Variants in SGCZ observed in about 807,000 individuals in gnomAD.
SGCZ encodes zeta-sarcoglycan.
A neutral mutation model predicts 41.3 loss-of-function variants in SGCZ; 40 were observed. That is an observed-to-expected ratio of 0.97 (90% confidence interval 0.75 to 1.26). The LOEUF is 1.26. Ranked by LOEUF, SGCZ falls within the 50% of genes most tolerant of loss-of-function variation. SGCZ has a pLI of 0.00. For missense variants in SGCZ, 552 were observed against 369.8 expected (o/e 1.49, Z -4.04); for synonymous variants, 206 against 137.5 (o/e 1.50, Z -3.49).
At chr8:14,498,450 A>C (rs1802056575) in intron 2 of SGCZ, among the ~76,000 whole-genome samples, 1 of 152,118 alleles carries the variant, frequency 6.6e-6, no homozygotes, top group Non-Finnish European at 1.5e-5. Flanking sequence ...GGATCTAGGA[A>C]TCTATATTGA....
At chr8:14,799,303 C>T (rs1255075158) in intron 1 of SGCZ, among the ~76,000 whole-genome samples, 1 of 152,054 alleles carries the variant, frequency 6.6e-6, no homozygotes, top group African/African-American at 2.4e-5. Flanking sequence ...TAGTTATATG[C>T]TCTTGAGCAA....
chr8:14,860,750 G>GAAAGAA (rs1563321436), intron 1 of SGCZ, among the ~76,000 whole-genome samples: 3 of 150,128 alleles, frequency 2.0e-5, no homozygotes, highest in African/African-American at 4.9e-5. Context: ...AAGTAAGTAA[G>GAAAGAA]TGAGGGAGGG....
chr8:14,220,222 G>C (rs1806144520), intron 4 of SGCZ, among the ~76,000 whole-genome samples: 1 of 152,122 alleles, frequency 6.6e-6, no homozygotes, highest in Non-Finnish European at 1.5e-5. Context: ...ACTTCAATAG[G>C]AGTAGAATGG....
chr8:14,848,541 T>C (rs935869480), intron 1 of SGCZ, among the ~76,000 whole-genome samples: 29 of 152,174 alleles, frequency 1.9e-4, no homozygotes, highest in Non-Finnish European at 1.5e-5. Context: ...ACAGATTAGA[T>C]ATAGACCCAC....
rs985287493 is a variant in SGCZ at position 15,012,639 on chromosome 8, T to A, written c.39+224946A>T. ...TATGTTTATATAATATATAAACATATAAAACTATATATAATATATAATATA... is the reference window on the plus strand; with the variant it reads ...TATGTTTATATAATATATAAACATAAAAAACTATATATAATATATAATATA... On this transcript the variant is annotated intron_variant, in intron 1 of 7. Coordinates refer to ENST00000382080, the MANE Select transcript of SGCZ (RefSeq NM_139167.4). Among the ~76,000 whole-genome samples the A allele has an allele frequency of 7.2e-4, 62 of 86,480 alleles. No homozygotes were observed. The South Asian group carries it at 0.022, about 31-fold the overall frequency. The allele number at this position is 86,480 out of a possible 152,430, so 56.7% of individuals were successfully genotyped here. A position where few individuals can be genotyped will look rare whatever the true frequency, so the allele number is the denominator to read the frequency against.
intron 1 of SGCZ, among the ~76,000 whole-genome samples, chr8:14,989,437 G>A (rs1002851797): frequency 2.6e-4 from 40 of 152,146 alleles, no homozygotes; most frequent in African/African-American, 8.7e-4. Context: ...AGTGAGCTAC[G>A]ATCACACCAC....
chr8:14,659,316 T>G (rs548125936), intron 1 of SGCZ, among the ~76,000 whole-genome samples: 1 of 152,130 alleles, frequency 6.6e-6, no homozygotes, highest in Admixed American at 6.6e-5. Flanking sequence ...CATCACACAA[T>G]GAATATACGC....
At chr8:14,604,676 C>T (rs1328388514) in intron 1 of SGCZ, among the ~76,000 whole-genome samples, 2 of 151,956 alleles carry the variant, frequency 1.3e-5, no homozygotes, top group Admixed American at 1.3e-4. Flanking sequence ...CAGTATTAAC[C>T]CATTATAAAC....
At chr8:14,300,118 G>C (rs1020550962) in intron 3 of SGCZ, among the ~76,000 whole-genome samples, 4 of 151,924 alleles carry the variant, frequency 2.6e-5, no homozygotes, top group Admixed American at 1.3e-4. Context: ...TTAGGAAATA[G>C]CAACATTTTG....
At chr8:14,500,817 G>C (rs1158140931) in intron 2 of SGCZ, among the ~76,000 whole-genome samples, 1 of 151,992 alleles carries the variant, frequency 6.6e-6, no homozygotes, top group African/African-American at 2.4e-5. Flanking sequence ...CAACAAGTTA[G>C]TGGAGTTTTT....
chr8:14,995,035 C>CT (rs1166228846), intron 1 of SGCZ, among the ~76,000 whole-genome samples: 2 of 152,198 alleles, frequency 1.3e-5, no homozygotes, highest in African/African-American at 4.8e-5. Context: ...TTCTTAGGAC[C>CT]ATGAGAAATC....
intron 1 of SGCZ, among the ~76,000 whole-genome samples, chr8:15,164,949 A>C (rs1438385865): frequency 6.6e-6 from 1 of 152,080 alleles, no homozygotes; most frequent in Non-Finnish European, 1.5e-5. Context: ...CCCACCCAGC[A>C]ACTGGGTTTT....
At chr8:15,222,374 C>T (rs1031300787) in intron 1 of SGCZ, among the ~76,000 whole-genome samples, 1 of 151,748 alleles carries the variant, frequency 6.6e-6, no homozygotes, top group African/African-American at 2.4e-5. Context: ...TTCAAGAGTC[C>T]AGCATTAATG....
At chr8:14,215,706 T>A (rs190161833) in intron 4 of SGCZ, among the ~76,000 whole-genome samples, 1 of 152,126 alleles carries the variant, frequency 6.6e-6, no homozygotes, top group Non-Finnish European at 1.5e-5. Flanking sequence ...ATATCATAAA[T>A]AAGTGTATGC....
chr8:14,825,807 T>C (rs1293927157), intron 1 of SGCZ, among the ~76,000 whole-genome samples: 1 of 152,214 alleles, frequency 6.6e-6, no homozygotes, highest in East Asian at 1.9e-4. Flanking sequence ...GTGGTACTTG[T>C]CTTTCTGTGT....
intron 1 of SGCZ, among the ~76,000 whole-genome samples, chr8:14,707,550 G>A (rs902715838): frequency 3.2e-4 from 49 of 152,196 alleles, no homozygotes; most frequent in Admixed American, 8.5e-4. Flanking sequence ...AAGACTGAAT[G>A]GTGGGCTAAT....
At chr8:14,563,238 C>T (rs1186479661) in intron 1 of SGCZ, among the ~76,000 whole-genome samples, 1 of 152,168 alleles carries the variant, frequency 6.6e-6, no homozygotes, top group Non-Finnish European at 1.5e-5. Flanking sequence ...AAAGTACAGT[C>T]TTCACCTTTT....
At chr8:14,891,853 C>T (rs1382846496) in intron 1 of SGCZ, among the ~76,000 whole-genome samples, 5 of 152,180 alleles carry the variant, frequency 3.3e-5, no homozygotes, top group Admixed American at 3.3e-4. Context: ...CAGACAATAT[C>T]CTCCACAAGC....
At position 14,520,836 on chromosome 8, in the gene SGCZ, C is replaced by T. The variant is rs117895270; in HGVS notation, c.234+33896G>A. On this transcript the variant is annotated intron_variant, in intron 2 of 7. Transcript: ENST00000382080. ...TAAAATGAGAGAGCATTCTTTCTCA[C>T]GCTCTCTAATAACAGTGCACATTTT... Among the ~76,000 whole-genome samples the T allele has an allele frequency of 1.5e-3, 229 of 152,104 alleles. 6 individuals carry two copies. In the East Asian group the frequency reaches 0.036, roughly 24 times the overall value.
Sources: allele counts gnomAD v4.1 joint callset (sites outside exome capture counted in the v4.1 genomes callset), GRCh38; gene constraint gnomAD v4.1.1; transcripts MANE v1.5; gene names NCBI Gene and HGNC (gene_info 2026-07-23, HGNC 2026-07-21).